DPH6: variants seen among roughly 807,000 people sequenced by gnomAD.
DPH6 encodes the protein diphthamine biosynthesis 6, also known as diphthine--ammonia ligase.
In DPH6, 33 loss-of-function variants were observed where a neutral mutation model predicts 38.2. The ratio of observed to expected loss-of-function variants is 0.86; its 90% confidence interval spans 0.65 to 1.15. The LOEUF (loss-of-function observed/expected upper bound fraction) is 1.15. Ranked by LOEUF, DPH6 falls within the 50% of genes most tolerant of loss-of-function variation. The pLI, the probability that DPH6 is intolerant of heterozygous loss-of-function variation, is 0.00. For synonymous variants in DPH6, 108 were observed against 103.0 expected (o/e 1.05, Z -0.30); for missense variants, 325 against 320.0 (o/e 1.02, Z -0.12).
chr15:35,427,456 C>A (rs2053583678), intron 5 of DPH6, among the ~76,000 whole-genome samples: 1 of 149,804 alleles, frequency 6.7e-6, no homozygotes, highest in Non-Finnish European at 1.5e-5. Flanking sequence ...TAATATGAAG[C>A]TTTTCTTTCA....
intron 6 of DPH6, among the ~76,000 whole-genome samples, chr15:35,397,868 T>TATACACACACGCACACAC (rs752473433): frequency 1.3e-4 from 11 of 87,258 alleles, no homozygotes; most frequent in Non-Finnish European, 1.7e-4. Context: ...TTTATATATA[T>TATACACACACGCACACAC]ACACACACAC....
intron 3 of DPH6, among the ~76,000 whole-genome samples, chr15:35,530,852 CA>C (rs2141255790): frequency 6.6e-6 from 1 of 152,350 alleles, no homozygotes; most frequent in Non-Finnish European, 1.5e-5. Flanking sequence ...AATAAAGCTG[CA>C]CCTGGGAGTG....
the DPH6 span, among the ~76,000 whole-genome samples, chr15:35,160,212 T>C: frequency 1.3e-5 from 2 of 152,024 alleles, no homozygotes; most frequent in Non-Finnish European, 2.9e-5. Context: ...AATTCTTTTC[T>C]AGACCACACA....
At chr15:35,326,098 T>C (rs2052280123), downstream of DPH6, among the ~76,000 whole-genome samples, 1 of 152,202 alleles carries the variant, frequency 6.6e-6, no homozygotes. Context: ...CTGATGGAAG[T>C]AGAAATTGGC....
At chr15:35,157,078 C>A in the DPH6 span, among the ~76,000 whole-genome samples, 2 of 152,124 alleles carry the variant, frequency 1.3e-5, no homozygotes, top group Non-Finnish European at 2.9e-5. Context: ...GTTTCTATAG[C>A]ATGGGATGGG....
At chr15:35,196,527 G>A in the DPH6 span, among the ~76,000 whole-genome samples, 1 of 152,110 alleles carries the variant, frequency 6.6e-6, no homozygotes, top group African/African-American at 2.4e-5. Flanking sequence ...AGGCTTGAGC[G>A]TAAGGTACGA....
chr15:35,401,220 A>T, intron 6 of DPH6: 1 of 1,188,958 alleles, frequency 8.4e-7, no homozygotes, highest in African/African-American at 1.5e-5. Context: ...CTAGTGCTTC[A>T]TCCAGCCAAA....
chr15:35,400,935 G>T, intron 6 of DPH6: 1 of 1,044,030 alleles, frequency 9.6e-7, no homozygotes, highest in Non-Finnish European at 1.5e-6. Context: ...TGGATGAAGA[G>T]TTGTGGAACC....
intron 3 of DPH6, among the ~76,000 whole-genome samples, chr15:35,484,983 T>C (rs2141158572): frequency 6.6e-6 from 1 of 152,272 alleles, no homozygotes; most frequent in African/African-American, 2.4e-5. Flanking sequence ...AGCAAAATAA[T>C]AAAAATGTCA....
chr15:35,238,126 C>G (rs1486034661), intron 3 of DPH6: 9 of 1,234,766 alleles, frequency 7.3e-6, no homozygotes, highest in Admixed American at 6.9e-5. Flanking sequence ...ATATCCCCTC[C>G]CCCGCTCCAA....
chr15:35,317,256 T>C (rs1339547160), intron 3 of DPH6, among the ~76,000 whole-genome samples: 1 of 117,542 alleles, frequency 8.5e-6, no homozygotes, highest in Admixed American at 1.1e-4. Context: ...AGAGAGACTC[T>C]GAAAAAAAGA....
intron 3 of DPH6, among the ~76,000 whole-genome samples, chr15:35,536,747 T>C (rs143721303): frequency 6.6e-6 from 1 of 152,176 alleles, no homozygotes; most frequent in African/African-American, 2.4e-5. Context: ...CCAAATTCTT[T>C]GTACCATGAG....
At chr15:35,149,428 G>A in the DPH6 span, among the ~76,000 whole-genome samples, 4 of 152,084 alleles carry the variant, frequency 2.6e-5, no homozygotes, top group African/African-American at 9.7e-5. Context: ...TAGTAGAGAC[G>A]GGGTTTCACC....
intron 5 of DPH6, among the ~76,000 whole-genome samples, chr15:35,443,212 A>C (rs2053810350): frequency 6.6e-6 from 1 of 152,184 alleles, no homozygotes; most frequent in Non-Finnish European, 1.5e-5. Context: ...TGGCATTAGC[A>C]TTGTTATTCT....
chr15:35,390,142 C>A (rs1245543039), intron 6 of DPH6, among the ~76,000 whole-genome samples: 2 of 152,146 alleles, frequency 1.3e-5, no homozygotes, highest in Non-Finnish European at 2.9e-5. Context: ...GTTGAAAATT[C>A]TTTTCTTTAA....
the DPH6 span, among the ~76,000 whole-genome samples, chr15:35,172,050 T>C: frequency 6.6e-6 from 1 of 152,034 alleles, no homozygotes; most frequent in Non-Finnish European, 1.5e-5. Flanking sequence ...GTATTTTTAG[T>C]AGAGACAGGG....
intron 3 of DPH6, among the ~76,000 whole-genome samples, chr15:35,471,148 C>CAA (rs2054194107): frequency 6.6e-6 from 1 of 152,146 alleles, no homozygotes; most frequent in Non-Finnish European, 1.5e-5. Context: ...GGTGCTCAAT[C>CAA]ATAAAGAGCA....
At chr15:35,410,325 A>G (rs2053348616) in intron 6 of DPH6, among the ~76,000 whole-genome samples, 1 of 151,868 alleles carries the variant, frequency 6.6e-6, no homozygotes, top group African/African-American at 2.4e-5. Context: ...GAGTAAATGA[A>G]AACAACTGAA....
chr15:35,316,175 T>G (rs186647761), intron 3 of DPH6, among the ~76,000 whole-genome samples: 1 of 152,210 alleles, frequency 6.6e-6, no homozygotes, highest in Non-Finnish European at 1.5e-5. Context: ...CATTTCAAAA[T>G]AGTTAGTAGA....
Sources: gnomAD v4.1 joint callset for allele counts (sites outside exome capture counted in the v4.1 genomes callset) on GRCh38, gnomAD v4.1.1 for gene constraint, MANE v1.5 for transcripts, NCBI Gene and HGNC (gene_info 2026-07-23, HGNC 2026-07-21) for gene names.